RBM46: variants seen among roughly 807,000 people sequenced by gnomAD.
RBM46 encodes probable RNA-binding protein 46.
RBM46 carries 12 observed loss-of-function variants against 43.3 expected under a neutral mutation model. That is an observed-to-expected ratio of 0.28 (90% CI 0.18 to 0.45). The LOEUF is 0.45. Ranked by LOEUF, RBM46 falls within the 20% of genes least tolerant of loss-of-function variation. The pLI is 1.00. For synonymous variants in RBM46, 205 were observed against 207.6 expected (o/e 0.99, Z 0.11); for missense variants, 412 against 639.1 (o/e 0.64, Z 3.83).
intron 1 of RBM46, among the ~76,000 whole-genome samples, chr4:154,792,382 T>A (rs1734141998): frequency 6.6e-6 from 1 of 152,218 alleles, no homozygotes. Context: ...TGTAAAGTGC[T>A]TGCCAAAATC....
chr4:154,797,019 A>ATG (rs533910583), intron 2 of RBM46, 116 bp downstream of exon 2: 1 of 579,722 alleles, frequency 1.7e-6, no homozygotes, highest in African/African-American at 2.0e-5. Flanking sequence ...GCTTTAAGAC[A>ATG]TTTTTTTTTT....
At chr4:154,786,626 G>A (rs982739315) in intron 1 of RBM46, among the ~76,000 whole-genome samples, 11 of 114,400 alleles carry the variant, frequency 9.6e-5, no homozygotes, top group African/African-American at 3.3e-4. Context: ...TTAAATCTTC[G>A]GTTAAAAAAA....
chr4:154,793,656 G>A (rs1014896511), intron 1 of RBM46, among the ~76,000 whole-genome samples: 10 of 152,092 alleles, frequency 6.6e-5, no homozygotes, highest in Admixed American at 3.9e-4. Context: ...GTTTTGTTTG[G>A]TCTGTACACT....
chr4:154,794,900 T>C (rs924583274), intron 1 of RBM46, among the ~76,000 whole-genome samples: 1 of 150,248 alleles, frequency 6.7e-6, no homozygotes, highest in African/African-American at 2.4e-5. Context: ...TTTTTTTTTT[T>C]AATCATCTGT....
At chr4:154,817,155 A>T (rs1735483206) in intron 4 of RBM46, among the ~76,000 whole-genome samples, 1 of 152,012 alleles carries the variant, frequency 6.6e-6, no homozygotes, top group Admixed American at 6.6e-5. Context: ...GAAATGTTTT[A>T]AATTTCACTG....
In RBM46 at chr4:154,799,483, A is replaced by G; in HGVS notation, c.1321A>G (p.Ser441Gly). Residue 441 changes from serine to glycine, a missense_variant, in exon 4 of 5, where the codon AGT (serine) becomes GGT (glycine). Ser to Gly is a moderately conservative substitution (Grantham distance 56, BLOSUM62 0). Around this residue, in one of 8 missense-constraint regions of RBM46, gnomAD observed 149 missense variants for 156.3 expected, o/e 0.95. Coordinates refer to ENST00000281722, the MANE Select transcript of RBM46 (RefSeq NM_144979.5). ...TCCTGCTATTGCAAATGGATCCCAG[A>G]GTTACTTCATGCCAGACAAACTCTG... ...VIPAIANGSQ[S>G]YFMPDKLCTT... is the part of the protein sequence containing the mutation. The G allele has an allele frequency of 6.2e-7, 1 of 1,613,422 alleles. No individual in the cohort carries two copies. Among genetic ancestry groups the G allele is most frequent in the Non-Finnish European group, 8.5e-7 (1 of 1,179,708 alleles).
intron 1 of RBM46, among the ~76,000 whole-genome samples, chr4:154,788,463 T>G (rs56064491): frequency 0.14 from 20,569 of 152,224 alleles, 2,138 homozygotes; most frequent in East Asian, 0.43. Context: ...CCATTTCTTG[T>G]TTTTGTCAGG....
chr4:154,807,937 A>G (rs1308501387), intron 4 of RBM46, among the ~76,000 whole-genome samples: 1 of 152,032 alleles, frequency 6.6e-6, no homozygotes, highest in Non-Finnish European at 1.5e-5. Flanking sequence ...TGTACACAAT[A>G]GTTCATATTT....
At chr4:154,813,785 C>G (rs1474595652) in intron 4 of RBM46, among the ~76,000 whole-genome samples, 1 of 151,996 alleles carries the variant, frequency 6.6e-6, no homozygotes, top group African/African-American at 2.4e-5. Context: ...CTTGAAAATT[C>G]CAGGTGCTAA....
chr4:154,785,248 G>A (rs537485418), intron 1 of RBM46, among the ~76,000 whole-genome samples: 63 of 152,068 alleles, frequency 4.1e-4, no homozygotes, highest in African/African-American at 1.5e-3. Flanking sequence ...CCTTTAATGT[G>A]TATGGACTGG....
At chr4:154,809,730 C>T (rs1735088018) in intron 4 of RBM46, among the ~76,000 whole-genome samples, 1 of 152,094 alleles carries the variant, frequency 6.6e-6, no homozygotes, top group African/African-American at 2.4e-5. Flanking sequence ...TTACATTAGT[C>T]TGCCCTCTGT....
At position 154,791,404 on chromosome 4, in the gene RBM46, T is replaced by A. The variant is rs944190702; in HGVS notation, c.-11-5338T>A. 1.1e-3 allele frequency among the ~76,000 whole-genome samples: 171 copies of A among 152,244 alleles called. 1 individual carries two copies. Among genetic ancestry groups the A allele is most frequent in the African/African-American group, 4.0e-3 (165 of 41,550 alleles). On this transcript the variant is annotated intron_variant, in intron 1 of 4. Coordinates refer to ENST00000281722, the MANE Select transcript of RBM46 (RefSeq NM_144979.5). ...AGGTGCCGTGACTCACGCCTGTAATTCCAGCACTTTGAGAGGCCAAGGCGG... is the reference window on the plus strand; with the variant it reads ...AGGTGCCGTGACTCACGCCTGTAATACCAGCACTTTGAGAGGCCAAGGCGG...
At chr4:154,788,900 T>C (rs1331993836) in intron 1 of RBM46, among the ~76,000 whole-genome samples, 2 of 152,220 alleles carry the variant, frequency 1.3e-5, no homozygotes, top group Non-Finnish European at 2.9e-5. Context: ...GTCCTTCACA[T>C]CCCTTGTAAG....
intron 4 of RBM46, among the ~76,000 whole-genome samples, chr4:154,814,842 C>A (rs561262106): frequency 4.2e-4 from 63 of 150,350 alleles, no homozygotes; most frequent in African/African-American, 1.5e-3. Flanking sequence ...CCCCTCCCCC[C>A]CTTTTTTTTA....
intron 1 of RBM46, among the ~76,000 whole-genome samples, chr4:154,793,360 T>C (rs1172697059): frequency 6.6e-6 from 1 of 152,262 alleles, no homozygotes; most frequent in Non-Finnish European, 1.5e-5. Context: ...CTTGCAGTTA[T>C]ATCTGTAGGT....
rs1472544142 is a variant in RBM46, at chr4:154,826,754, TTTTC to T, written c.1403-1113_1403-1110del. 10 of 1,412,404 alleles carry T rather than the reference TTTTC, an allele frequency of 7.1e-6. No individual in the cohort carries two copies. The South Asian group carries it at 1.1e-4, about 15-fold the overall frequency. The allele number at this position is 1,412,404 out of a possible 1,614,324, so 87.5% of individuals were successfully genotyped here. On this transcript the variant is annotated intron_variant, in intron 4 of 4. Coordinates refer to ENST00000281722, the MANE Select transcript of RBM46 (RefSeq NM_144979.5). ...TTCATTTTTCCTTTTTTTTTTTTTTTTTTCCTGAACTAGGTCCTTTCTGATGTTG... is the reference window on the plus strand; with the variant it reads ...TTCATTTTTCCTTTTTTTTTTTTTTTCTGAACTAGGTCCTTTCTGATGTTG...
chr4:154,808,850 C>T (rs1464250100), intron 4 of RBM46, among the ~76,000 whole-genome samples: 1 of 151,904 alleles, frequency 6.6e-6, no homozygotes, highest in Non-Finnish European at 1.5e-5. Flanking sequence ...TTGGTGTGAA[C>T]TTAGGTGTGT....
At chr4:154,809,062 G>GTAGT (rs1283531497) in intron 4 of RBM46, among the ~76,000 whole-genome samples, 3 of 92,900 alleles carry the variant, frequency 3.2e-5, no homozygotes, top group African/African-American at 8.1e-5. Context: ...ATTTTACTTA[G>GTAGT]TAGATTTAAG....
intron 3 of RBM46, 45 bp downstream of exon 3, chr4:154,798,323 T>C (rs991732335): frequency 8.2e-7 from 1 of 1,223,258 alleles, no homozygotes; most frequent in Admixed American, 2.3e-5. Flanking sequence ...ATTACAAATA[T>C]GGAGAGATGA....
Sources: allele counts gnomAD v4.1 joint callset (sites outside exome capture counted in the v4.1 genomes callset), GRCh38; gene constraint gnomAD v4.1.1; regional missense constraint gnomAD v4.1.1; transcripts MANE v1.5; gene names NCBI Gene and HGNC (gene_info 2026-07-23, HGNC 2026-07-21).